The following SENP7 variants were observed in gnomAD, a reference collection of about 807,000 sequenced individuals.
The protein encoded by SENP7 is sentrin-specific protease 7.
SENP7 carries 64 observed loss-of-function variants against 141.2 expected under a neutral mutation model. The observed-to-expected ratio is 0.45, with a 90% CI of 0.37 to 0.56. The LOEUF (loss-of-function observed/expected upper bound fraction) is 0.56, where lower values mean the gene tolerates loss of function less well. Ranked by LOEUF, SENP7 falls within the 20% of genes least tolerant of loss-of-function variation. The pLI is 0.00. For missense variants in SENP7, 1,025 were observed against 1,212.2 expected, an observed-to-expected ratio of 0.85 and a Z score of 2.29; for synonymous variants, 382 against 426.4, an observed-to-expected ratio of 0.90 and a Z score of 1.28.
chr3:101,425,446 G>A (rs1433523091), intron 4 of SENP7, among the ~76,000 whole-genome samples: 8 of 152,146 alleles, frequency 5.3e-5, no homozygotes, highest in African/African-American at 1.9e-4. Context: ...CCAGTTGGCT[G>A]ACTCCACTTT....
At chr3:101,357,380 ATTG>A (rs766004115) in intron 11 of SENP7, 10 of 699,828 alleles carry the variant, frequency 1.4e-5, no homozygotes, top group Middle Eastern at 2.5e-4. Context: ...CTTCCTTGGT[ATTG>A]TTGTCTCTAA....
At chr3:101,448,257 A>G (rs1366409136) in intron 4 of SENP7, among the ~76,000 whole-genome samples, 1 of 152,224 alleles carries the variant, frequency 6.6e-6, no homozygotes, top group African/African-American at 2.4e-5. Flanking sequence ...CTTCATCAAA[A>G]TTTAAAAACT....
intron 9 of SENP7, 51 bp from the exon 10 acceptor site, chr3:101,365,042 T>G (rs1372443010): frequency 3.2e-6 from 4 of 1,236,994 alleles, no homozygotes; most frequent in Non-Finnish European, 4.2e-6. Context: ...ATTTATTTAT[T>G]TATTTTTTGA....
At chr3:101,328,255 G>T (rs1467831285) in intron 22 of SENP7, among the ~76,000 whole-genome samples, 3 of 151,834 alleles carry the variant, frequency 2.0e-5, no homozygotes, top group Non-Finnish European at 1.5e-5. Context: ...GTTCAATTAT[G>T]AATACAAATT....
chr3:101,368,447 A>AC (rs1015829599), intron 7 of SENP7, among the ~76,000 whole-genome samples: 29 of 151,824 alleles, frequency 1.9e-4, no homozygotes, highest in African/African-American at 6.5e-4. Context: ...GAAGCTGGAA[A>AC]CCATCATTCT....
intron 15 of SENP7, among the ~76,000 whole-genome samples, chr3:101,341,061 A>G (rs545519985): frequency 6.6e-6 from 1 of 152,348 alleles, no homozygotes; most frequent in East Asian, 1.9e-4. Context: ...CTGTAAATTT[A>G]AAGTGCTAAT....
chr3:101,375,997 AAC>A (rs1576145003), intron 6 of SENP7, among the ~76,000 whole-genome samples: 1 of 152,228 alleles, frequency 6.6e-6, no homozygotes, highest in Admixed American at 6.5e-5. Context: ...ATTTAATGGT[AAC>A]ACAGTTTCTG....
chr3:101,481,072 T>TC (rs141786941), intron 3 of SENP7, among the ~76,000 whole-genome samples: 1,701 of 139,150 alleles, frequency 0.012, 29 homozygotes, highest in African/African-American at 0.037. Context: ...TATGGAGATT[T>TC]CCCCAAAAAA....
chr3:101,450,176 T>C (rs1198539896), intron 4 of SENP7, among the ~76,000 whole-genome samples: 5 of 152,120 alleles, frequency 3.3e-5, no homozygotes, highest in African/African-American at 7.2e-5. Flanking sequence ...CCTAAATATA[T>C]ATGCACCCAA....
At chr3:101,361,923 G>T (rs2107351353) in intron 10 of SENP7, 62 bp from the exon 11 acceptor site, 2 of 1,474,838 alleles carry the variant, frequency 1.4e-6, no homozygotes, top group South Asian at 1.4e-5. Context: ...TGCTGAAAAT[G>T]ACTTTCACCA....
At chr3:101,341,903 T>C (rs940545418) in intron 14 of SENP7, 124 bp from the exon 15 acceptor site, 4 of 978,740 alleles carry the variant, frequency 4.1e-6, no homozygotes, top group Admixed American at 6.3e-5. Flanking sequence ...TCTATACTTT[T>C]AGATTTTCCA....
At chr3:101,373,087 A>T (rs941931262) in intron 6 of SENP7, among the ~76,000 whole-genome samples, 5 of 150,400 alleles carry the variant, frequency 3.3e-5, no homozygotes, top group East Asian at 1.9e-4. Flanking sequence ...CTTATAAATT[A>T]AAAAAAGCTA....
rs7432176 is a variant in SENP7 at position 101,405,381 on chromosome 3, C to T, written c.483-6326G>A. On this transcript the variant is annotated intron_variant, in intron 5 of 23. Coordinates refer to ENST00000394095, the MANE Select transcript of SENP7 (RefSeq NM_020654.5). ...GGAAGCCACATCCATAGGAAAAGGGCGAGAGTACTATAATAAGGGAACACC... is the reference window on the plus strand; with the variant it reads ...GGAAGCCACATCCATAGGAAAAGGGTGAGAGTACTATAATAAGGGAACACC... Among the ~76,000 whole-genome samples, 301 of 151,964 alleles carry T rather than the reference C, an allele frequency of 2.0e-3. 1 individual carries two copies. The highest frequency in any genetic ancestry group is 3.5e-3 in the Non-Finnish European group (239 of 67,962).
chr3:101,511,811 GTTT>G (rs1167381685), intron 1 of SENP7, among the ~76,000 whole-genome samples: 6 of 149,070 alleles, frequency 4.0e-5, no homozygotes, highest in African/African-American at 7.4e-5. Context: ...GGTTTTTTTT[GTTT>G]TTTTTTTGTT....
chr3:101,409,667 CA>C (rs1306726444), intron 5 of SENP7, among the ~76,000 whole-genome samples: 1 of 152,028 alleles, frequency 6.6e-6, no homozygotes, highest in Admixed American at 6.5e-5. Flanking sequence ...ACAAAGCAAA[CA>C]AAAACATAAA....
At chr3:101,450,220 T>C (rs2063074082) in intron 4 of SENP7, among the ~76,000 whole-genome samples, 1 of 152,136 alleles carries the variant, frequency 6.6e-6, no homozygotes, top group Non-Finnish European at 1.5e-5. Context: ...AGCAAGTCCT[T>C]AGAGACCTAG....
At chr3:101,373,903 T>C (rs1160920853) in intron 6 of SENP7, among the ~76,000 whole-genome samples, 1 of 152,104 alleles carries the variant, frequency 6.6e-6, no homozygotes, top group Non-Finnish European at 1.5e-5. Context: ...GAAAAGGAAA[T>C]GAATGGACTG....
chr3:101,480,799 T>A (rs1260483045), intron 3 of SENP7, among the ~76,000 whole-genome samples: 1 of 151,996 alleles, frequency 6.6e-6, no homozygotes, highest in East Asian at 1.9e-4. Context: ...ACAAATCCCG[T>A]TAAACAGTGG....
intron 6 of SENP7, among the ~76,000 whole-genome samples, chr3:101,376,639 TG>T (rs1233807183): frequency 2.2e-5 from 3 of 137,734 alleles, no homozygotes; most frequent in Non-Finnish European, 3.1e-5. Flanking sequence ...TGTTGTGGGG[TG>T]GGGGGAGCGG....
Sources: allele counts gnomAD v4.1 joint callset (sites outside exome capture counted in the v4.1 genomes callset), GRCh38; gene constraint gnomAD v4.1.1; transcripts MANE v1.5; gene names NCBI Gene and HGNC (gene_info 2026-07-23, HGNC 2026-07-21).